NDST4: variants seen among roughly 807,000 people sequenced by gnomAD.
NDST4 encodes the protein N-deacetylase and N-sulfotransferase 4.
In NDST4, 63 loss-of-function variants were observed where a neutral mutation model predicts 100.8. That is an observed-to-expected ratio of 0.62 (90% CI 0.51 to 0.77). The LOEUF (loss-of-function observed/expected upper bound fraction) is 0.77, where lower values mean the gene tolerates loss of function less well. Ranked by LOEUF, NDST4 falls within the 30% of genes least tolerant of loss-of-function variation. NDST4 has a pLI of 0.00. For missense variants in NDST4, 943 were observed against 1,018.4 expected (o/e 0.93, Z 1.01); for synonymous variants, 377 against 361.8 (o/e 1.04, Z -0.48).
chr4:114,935,839 T>C (rs17679264), intron 5 of NDST4, among the ~76,000 whole-genome samples: 12,946 of 152,218 alleles, frequency 0.085, 959 homozygotes, highest in East Asian at 0.4. Context: ...TCAAATTATT[T>C]AGTGATTACT....
intron 6 of NDST4, among the ~76,000 whole-genome samples, chr4:114,909,500 A>T (rs1725019210): frequency 1.3e-5 from 2 of 150,920 alleles, no homozygotes. Flanking sequence ...CTCTACTAAA[A>T]ATACAAAAAA....
At chr4:114,961,219 T>C (rs1232803770) in intron 4 of NDST4, among the ~76,000 whole-genome samples, 1 of 151,896 alleles carries the variant, frequency 6.6e-6, no homozygotes, top group Non-Finnish European at 1.5e-5. Context: ...TAGAGGGAAA[T>C]TCATAGCTGT....
intron 10 of NDST4, 39 bp from the exon 11 acceptor site, chr4:114,839,587 T>C: frequency 3.1e-6 from 5 of 1,602,238 alleles, no homozygotes; most frequent in Non-Finnish European, 4.3e-6. Context: ...AGATTTTTTT[T>C]AATGCCTGTG....
At chr4:115,000,155 A>G (rs1258800488) in intron 2 of NDST4, among the ~76,000 whole-genome samples, 2 of 151,396 alleles carry the variant, frequency 1.3e-5, no homozygotes, top group Admixed American at 6.6e-5. Flanking sequence ...TTCTCAACTC[A>G]ATTCACTTCC....
intron 4 of NDST4, among the ~76,000 whole-genome samples, chr4:114,964,832 T>G (rs1726345101): frequency 6.6e-6 from 1 of 152,182 alleles, no homozygotes; most frequent in Non-Finnish European, 1.5e-5. Flanking sequence ...AGATACCTTA[T>G]ATAAGTGGAA....
chr4:114,834,498 A>G (rs62315262), intron 11 of NDST4, among the ~76,000 whole-genome samples: 2,009 of 130,048 alleles, frequency 0.015, 25 homozygotes, highest in Non-Finnish European at 0.022. Flanking sequence ...TGGGTGATGG[A>G]GCGAGACTCC....
chr4:115,051,870 C>G (rs1369650500), intron 2 of NDST4, among the ~76,000 whole-genome samples: 2 of 152,076 alleles, frequency 1.3e-5, no homozygotes, highest in African/African-American at 4.8e-5. Context: ...AATTTACATT[C>G]TCACAATACA....
At chr4:115,059,823 G>A (rs1728780982) in intron 2 of NDST4, among the ~76,000 whole-genome samples, 1 of 151,972 alleles carries the variant, frequency 6.6e-6, no homozygotes, top group Admixed American at 6.6e-5. Context: ...ACAGACACAT[G>A]AGGAGAAGTT....
chr4:115,078,856 GC>G (rs2126290675), intron 1 of NDST4, among the ~76,000 whole-genome samples: 1 of 151,040 alleles, frequency 6.6e-6, no homozygotes, highest in Non-Finnish European at 1.5e-5. Flanking sequence ...ACCAACCCCC[GC>G]CCAAAAAAAG....
intron 3 of NDST4, among the ~76,000 whole-genome samples, chr4:114,976,093 A>G (rs1005060535): frequency 6.6e-6 from 1 of 152,122 alleles, no homozygotes; most frequent in Non-Finnish European, 1.5e-5. Context: ...AAAAGCCAAT[A>G]AGACATTGTT....
chr4:115,013,622 G>A (rs1727609464), intron 2 of NDST4, among the ~76,000 whole-genome samples: 1 of 151,686 alleles, frequency 6.6e-6, no homozygotes, highest in Admixed American at 6.6e-5. Flanking sequence ...TGGAGGTCAG[G>A]TGATCAATGG....
At chr4:115,064,058 T>C (rs1266328554) in intron 2 of NDST4, among the ~76,000 whole-genome samples, 1 of 152,032 alleles carries the variant, frequency 6.6e-6, no homozygotes, top group Non-Finnish European at 1.5e-5. Flanking sequence ...TTGTTTTGAG[T>C]ATTAATAAAT....
At chr4:114,882,832 C>G (rs2126202002) in intron 6 of NDST4, among the ~76,000 whole-genome samples, 1 of 151,758 alleles carries the variant, frequency 6.6e-6, no homozygotes. Flanking sequence ...CAAACAAAAA[C>G]ACACCTAGAA....
chr4:114,901,429 C>G (rs1724836010), intron 6 of NDST4, among the ~76,000 whole-genome samples: 1 of 152,010 alleles, frequency 6.6e-6, no homozygotes, highest in African/African-American at 2.4e-5. Flanking sequence ...CCTGCTCTGT[C>G]TGAAGTTAAT....
intron 2 of NDST4, among the ~76,000 whole-genome samples, chr4:115,019,738 T>A (rs1727768573): frequency 6.6e-6 from 1 of 152,122 alleles, no homozygotes; most frequent in Admixed American, 6.6e-5. Context: ...TAAGAGGTGA[T>A]CAGGGCATAA....
At position 114,864,621 on chromosome 4, in the gene NDST4, C is replaced by A. The variant is rs1837799; in HGVS notation, c.1719+6147G>T. Among the ~76,000 whole-genome samples the A allele has an allele frequency of 3.6e-3, 542 of 152,312 alleles. 3 individuals carry two copies. The highest frequency in any genetic ancestry group is 0.013 in the African/African-American group (526 of 41,570). On this transcript the variant is annotated intron_variant, in intron 7 of 13. Transcript: ENST00000264363. ...TCTTTATGGAAAAACTGAGAGACAT[C>A]TTTATGAAGGCTTGAACTCTCCTTG... is the stretch of plus-strand genomic sequence containing the variant.
At chr4:115,097,401 A>C (rs987586784) in intron 1 of NDST4, among the ~76,000 whole-genome samples, 1 of 152,058 alleles carries the variant, frequency 6.6e-6, no homozygotes, top group Non-Finnish European at 1.5e-5. Flanking sequence ...ATGATGCTTA[A>C]TTTTTAAATT....
chr4:115,076,675 G>C lies in NDST4; in HGVS notation c.362C>G (p.Thr121Arg). ...APGKGDIPPL[T>R]DNGKGKYTLV... is the part of the protein sequence containing the mutation. ...AGTATATTTCCCTTTGCCATTATCTGTAAGAGGAGGTATATCTCCCTTTCC... is the reference window on the plus strand; with the variant it reads ...AGTATATTTCCCTTTGCCATTATCTCTAAGAGGAGGTATATCTCCCTTTCC... The change falls in exon 2 of 14, where the codon ACA becomes AGA. Residue 121 changes from threonine (T) to arginine (R), a missense_variant. This residue lies in a region of NDST4 where 417 missense variants were observed against 384.2 expected (regional missense o/e 1.09). Transcript: ENST00000264363. 9 of 1,613,800 alleles carry C rather than the reference G, an allele frequency of 5.6e-6. No individual in the cohort carries two copies. Among genetic ancestry groups the C allele is most frequent in the Non-Finnish European group, 4.2e-6 (5 of 1,179,886 alleles).
At chr4:114,954,906 C>A (rs1350111048) in intron 4 of NDST4, among the ~76,000 whole-genome samples, 1 of 152,102 alleles carries the variant, frequency 6.6e-6, no homozygotes, top group Non-Finnish European at 1.5e-5. Flanking sequence ...CCTCCCACAT[C>A]CTTGCTACTG....
Sources: gnomAD v4.1 joint callset for allele counts (sites outside exome capture counted in the v4.1 genomes callset) on GRCh38, gnomAD v4.1.1 for gene constraint, gnomAD v4.1.1 regional missense constraint, MANE v1.5 for transcripts, NCBI Gene and HGNC (gene_info 2026-07-23, HGNC 2026-07-21) for gene names.